The following CNTN4 variants were observed in gnomAD, a reference collection of about 807,000 sequenced individuals.
CNTN4 encodes the protein contactin 4.
CNTN4 carries 77 observed loss-of-function variants against 122.5 expected under a neutral mutation model. The ratio of observed to expected loss-of-function variants is 0.63; its 90% CI spans 0.52 to 0.76. The LOEUF (loss-of-function observed/expected upper bound fraction) is 0.76. Among genes scored for constraint, CNTN4 ranks in the 30% least tolerant of loss-of-function variants. CNTN4 has a pLI of 0.00. For synonymous variants in CNTN4, 512 were observed against 447.0 expected (o/e 1.15, Z -1.83); for missense variants, 1,256 against 1,259.1 (o/e 1.00, Z 0.04).
chr3:2,875,440 A>G (rs1390693093), intron 8 of CNTN4, among the ~76,000 whole-genome samples: 3 of 152,176 alleles, frequency 2.0e-5, no homozygotes, highest in East Asian at 1.9e-4. Context: ...AAACTTTGCT[A>G]TCTTCTGCAT....
chr3:2,581,496 G>T (rs1173049968), intron 4 of CNTN4, among the ~76,000 whole-genome samples: 7 of 152,120 alleles, frequency 4.6e-5, no homozygotes, highest in African/African-American at 7.2e-5. Context: ...AACAAAGCTG[G>T]ACTCTAGATG....
chr3:2,236,806 G>A (rs2039697653), intron 2 of CNTN4, among the ~76,000 whole-genome samples: 2 of 152,168 alleles, frequency 1.3e-5, no homozygotes, highest in Non-Finnish European at 2.9e-5. Context: ...TAAGGCTGCA[G>A]TCACAAATCA....
chr3:2,569,269 T>C (rs2079315743), intron 3 of CNTN4, among the ~76,000 whole-genome samples: 1 of 152,240 alleles, frequency 6.6e-6, no homozygotes, highest in South Asian at 2.1e-4. Context: ...AGCTCCCTGG[T>C]AAACATACAG....
chr3:2,470,596 C>G (rs2075652351), intron 3 of CNTN4, among the ~76,000 whole-genome samples: 1 of 152,164 alleles, frequency 6.6e-6, no homozygotes. Flanking sequence ...TTCCCACAGT[C>G]TTGTCTGCCA....
chr3:2,889,907 C>G (rs1180662205), intron 10 of CNTN4, among the ~76,000 whole-genome samples: 1 of 152,174 alleles, frequency 6.6e-6, no homozygotes, highest in Non-Finnish European at 1.5e-5. Context: ...GTCACTGGCT[C>G]CCAGCCCTGT....
At chr3:2,596,315 A>G (rs1298919481) in intron 4 of CNTN4, among the ~76,000 whole-genome samples, 1 of 152,214 alleles carries the variant, frequency 6.6e-6, no homozygotes, top group African/African-American at 2.4e-5. Context: ...TAAACAAATT[A>G]TAGTTTATAC....
In CNTN4 at chr3:2,719,540, G is replaced by A. The variant is rs145581375; in HGVS notation, c.56-16675G>A. ...TGACCTCAGGTGATCCACCTGCCTC[G>A]GCCTCCCACAGTGCTGGGATTACAG... On this transcript the variant is annotated intron_variant, in intron 4 of 24. Coordinates refer to ENST00000418658, the MANE Select transcript of CNTN4 (RefSeq NM_175607.3). Among the ~76,000 whole-genome samples, 1,037 of 152,090 alleles carry A rather than the reference G, an allele frequency of 6.8e-3. 6 individuals carry two copies. Among genetic ancestry groups the A allele is most frequent in the Middle Eastern group, 0.027 (8 of 294 alleles).
intron 3 of CNTN4, among the ~76,000 whole-genome samples, chr3:2,427,426 G>T (rs2616578): frequency 0.74 from 111,932 of 152,044 alleles, 41,942 homozygotes; most frequent in East Asian, 0.95. Context: ...ATTGCACTGT[G>T]GTCTGAGAGA....
At chr3:2,946,383 AG>A (rs2094678502) in intron 13 of CNTN4, among the ~76,000 whole-genome samples, 1 of 152,182 alleles carries the variant, frequency 6.6e-6, no homozygotes, top group Non-Finnish European at 1.5e-5. Context: ...GGTAAAACTG[AG>A]GTTAGATGAT....
intron 3 of CNTN4, among the ~76,000 whole-genome samples, chr3:2,538,478 C>T (rs1218207013): frequency 2.6e-5 from 4 of 152,004 alleles, no homozygotes; most frequent in Non-Finnish European, 5.9e-5. Context: ...TATGTTATTT[C>T]TAATAGTTTT....
chr3:2,363,655 T>G (rs2045254035), intron 3 of CNTN4, among the ~76,000 whole-genome samples: 1 of 152,192 alleles, frequency 6.6e-6, no homozygotes, highest in Admixed American at 6.5e-5. Flanking sequence ...GGAAACTCTT[T>G]TCTTTTCACT....
At chr3:2,261,528 T>G (rs2040832874) in intron 2 of CNTN4, among the ~76,000 whole-genome samples, 1 of 152,202 alleles carries the variant, frequency 6.6e-6, no homozygotes, top group Admixed American at 6.5e-5. Flanking sequence ...GTGAGCATTC[T>G]CTATGTTAAT....
At chr3:2,711,718 A>G (rs539683460) in intron 4 of CNTN4, among the ~76,000 whole-genome samples, 19 of 152,206 alleles carry the variant, frequency 1.2e-4, no homozygotes, top group Non-Finnish European at 2.2e-4. Context: ...CTAGTCACCC[A>G]ACTGCTGAGC....
chr3:2,352,961 T>C (rs1195804845), intron 3 of CNTN4, among the ~76,000 whole-genome samples: 1 of 151,974 alleles, frequency 6.6e-6, no homozygotes, highest in African/African-American at 2.4e-5. Context: ...GCTAATCTAG[T>C]GGAGACTTGG....
chr3:2,849,243 A>G (rs562542303), intron 7 of CNTN4, among the ~76,000 whole-genome samples: 1 of 152,316 alleles, frequency 6.6e-6, no homozygotes, highest in Admixed American at 6.5e-5. Flanking sequence ...ATAGGCCCAC[A>G]TGAAGCATTT....
chr3:2,829,680 A>G (rs2093061734), intron 7 of CNTN4, among the ~76,000 whole-genome samples: 1 of 152,204 alleles, frequency 6.6e-6, no homozygotes, highest in Non-Finnish European at 1.5e-5. Flanking sequence ...ATGTTTCATG[A>G]CTATACTTTT....
At chr3:2,835,639 A>G (rs2150426618) in intron 7 of CNTN4, among the ~76,000 whole-genome samples, 1 of 152,284 alleles carries the variant, frequency 6.6e-6, no homozygotes, top group Middle Eastern at 3.4e-3. Flanking sequence ...TCCCATGCAA[A>G]TTTCAAATCA....
intron 2 of CNTN4, among the ~76,000 whole-genome samples, chr3:2,129,549 G>A (rs1370147002): frequency 2.6e-5 from 4 of 151,936 alleles, no homozygotes; most frequent in Admixed American, 2.6e-4. Context: ...TCTTCTAACA[G>A]GCCTTATTTT....
chr3:2,346,162 T>C (rs1011071583), intron 3 of CNTN4, among the ~76,000 whole-genome samples: 2 of 152,162 alleles, frequency 1.3e-5, no homozygotes, highest in African/African-American at 4.8e-5. Context: ...TCCACCTTCT[T>C]CTAAATTAAC....
Sources: gnomAD v4.1 joint callset for allele counts (sites outside exome capture counted in the v4.1 genomes callset) on GRCh38, gnomAD v4.1.1 for gene constraint, MANE v1.5 for transcripts, NCBI Gene and HGNC (gene_info 2026-07-23, HGNC 2026-07-21) for gene names.